SRCAP: variants seen among roughly 807,000 people sequenced by gnomAD.
SRCAP encodes chromatin remodeling protein SRCAP.
SRCAP carries 46 observed loss-of-function variants against 263.1 expected under a neutral mutation model. The ratio of observed to expected loss-of-function variants is 0.17; its 90% confidence interval spans 0.14 to 0.22. The LOEUF is 0.22. SRCAP is among the 10% of genes least tolerant of loss of function. The pLI is 1.00. For synonymous variants in SRCAP, 1,813 were observed against 1,662.1 expected (o/e 1.09, Z -2.21); for missense variants, 3,695 against 4,181.9 (o/e 0.88, Z 3.21).
At chr16:30,706,536 A>G (rs550923957) in intron 4 of SRCAP, among the ~76,000 whole-genome samples, 20 of 152,344 alleles carry the variant, frequency 1.3e-4, no homozygotes, top group African/African-American at 4.8e-4. Context: ...ATAAAAGACA[A>G]TCAGTGTAGA....
At position 30,709,904 on chromosome 16, in the gene SRCAP, G is replaced by A. The variant is rs1204889500; in HGVS notation, c.910G>A (p.Glu304Lys). Residue 304 changes from glutamate (E) to lysine (K), a missense_variant, in exon 8 of 34, where the codon GAA (glutamate) becomes AAA (lysine). Glu to Lys is a moderately conservative substitution (Grantham distance 56, BLOSUM62 1). Coordinates refer to ENST00000262518, the MANE Select transcript of SRCAP (RefSeq NM_006662.3). ...GGAAGAGGATGATGAGGAAACGATT[G>A]AAGTTGAAGAACAACAGGAAGGCAA... ...DEEEDDEETIEVEEQQEGNDA... is the reference protein window; with the variant it reads ...DEEEDDEETIKVEEQQEGNDA... The A allele has an allele frequency of 6.2e-7, 1 of 1,614,070 alleles. No individual in the cohort carries two copies. The highest frequency in any genetic ancestry group is 8.5e-7 in the Non-Finnish European group (1 of 1,180,040).
chr16:30,725,316 C>T (rs1011232089), intron 25 of SRCAP: 9 of 785,766 alleles, frequency 1.1e-5, no homozygotes, highest in Middle Eastern at 4.0e-4. Flanking sequence ...CCACCACGCC[C>T]GGCCTCTTTT....
At chr16:30,717,155 A>G (rs1365433624) in intron 18 of SRCAP, among the ~76,000 whole-genome samples, 1 of 151,948 alleles carries the variant, frequency 6.6e-6, no homozygotes, top group Non-Finnish European at 1.5e-5. Context: ...ATGAGTGTGA[A>G]TTGGTATTTC....
rs142909990 is a variant in SRCAP at position 30,724,862 on chromosome 16, C to T, written c.5438C>T (p.Thr1813Ile). 6.2e-7 allele frequency: 1 copy of T among 1,614,186 alleles called. No individual in the cohort carries two copies. The highest frequency in any genetic ancestry group is 8.5e-7 in the Non-Finnish European group (1 of 1,180,002). Residue 1813 changes from threonine to isoleucine, a missense_variant, in exon 25 of 34, where the codon ACA (threonine) becomes ATA (isoleucine). Transcript: ENST00000262518. The part of the protein sequence containing the change: ...AQTLALAPAS[T>I]QSPASQASSL... Reference sequence around the variant, plus strand: ...ACCTTGGCGCTGGCCCCAGCCTCCACACAGTCCCCAGCTTCCCAGGCATCT... The same window carrying T: ...ACCTTGGCGCTGGCCCCAGCCTCCATACAGTCCCCAGCTTCCCAGGCATCT...
rs1235656303 is a variant in SRCAP at position 30,729,047 on chromosome 16, C to G, written c.5740C>G (p.Leu1914Val). ...CCAACTTAGTGAGGCTCATGGGGCCCTGGCACCTGTGTATGGGACTGAAGT... is the reference window on the plus strand; with the variant it reads ...CCAACTTAGTGAGGCTCATGGGGCCGTGGCACCTGTGTATGGGACTGAAGT... ...IFQLSEAHGA[L>V]APVYGTEVLD... Residue 1914 changes from leucine (L) to valine (V), a missense_variant, in exon 26 of 34, where the codon CTG (leucine) becomes GTG (valine). Around this residue, in one of 12 missense-constraint regions of SRCAP, gnomAD observed 1,347 missense variants for 1,304.4 expected, o/e 1.03. Transcript: ENST00000262518. 1 of 1,614,190 alleles carries G rather than the reference C, an allele frequency of 6.2e-7. No individual in the cohort carries two copies.
Position 30,722,544 on chromosome 16 carries a change from C to T in SRCAP, c.3707-19C>T, listed in dbSNP as rs748876304. 5 of 1,612,656 alleles carry T rather than the reference C, an allele frequency of 3.1e-6. No individual in the cohort carries two copies. The highest frequency in any genetic ancestry group is 1.1e-5 in the South Asian group (1 of 90,990). ...CTGATAGCTGCTTCTCTCTCTCTTT[C>T]TCTCTTCCCTTAACCCAGGGAATGT... On this transcript the variant is annotated intron_variant, in intron 22 of 33. Coordinates refer to ENST00000262518, the MANE Select transcript of SRCAP (RefSeq NM_006662.3).
chr16:30,718,302 G>A (rs143520371), intron 18 of SRCAP, among the ~76,000 whole-genome samples: 2,262 of 152,074 alleles, frequency 0.015, 61 homozygotes, highest in African/African-American at 0.051. Context: ...TCAGCCTCCC[G>A]AGTAGCTGGG....
rs559329856 is a variant in SRCAP at position 30,710,994 on chromosome 16, C to T, written c.1229-5C>T. The T allele has an allele frequency of 5.0e-6, 8 of 1,613,532 alleles. No homozygotes were observed. In the South Asian group the frequency reaches 8.8e-5, roughly 18 times the overall value. On this transcript the variant is annotated splice_region_variant and splice_polypyrimidine_tract_variant and intron_variant, in intron 9 of 33. Transcript: ENST00000262518. ...CTATTAATCTTGCTTCTGTCTCTTT[C>T]CTAGCGGAGGATGAAGAGGATACTA...
At chr16:30,721,154 G>A (rs200826620) in intron 20 of SRCAP, 35 bp from the exon 21 acceptor site, 110 of 1,573,522 alleles carry the variant, frequency 7.0e-5, no homozygotes, top group Middle Eastern at 5.2e-4. Flanking sequence ...CTTTAGTCAG[G>A]GTATATCTGA....
Position 30,738,242 on chromosome 16 carries a change from G to C in SRCAP, c.8202G>C (p.Gly2734=). 1.2e-6 allele frequency: 2 copies of C among 1,613,832 alleles called. No homozygotes were observed. Among genetic ancestry groups the C allele is most frequent in the Non-Finnish European group, 1.7e-6 (2 of 1,179,822 alleles). Residue 2734 remains glycine, a synonymous_variant, in exon 34 of 34, where the codon GGG becomes GGC. Coordinates refer to ENST00000262518, the MANE Select transcript of SRCAP (RefSeq NM_006662.3). ...TSADVEIRGQ[G]TGRPGQPPGP... ...CTGATGTGGAAATTAGGGGTCAAGG[G>C]ACTGGTCGGCCAGGACAACCACCAG...
chr16:30,733,518 T>G lies in SRCAP; in HGVS notation c.6297+69T>G. 1.2e-6 allele frequency: 2 copies of G among 1,606,254 alleles called. No homozygotes were observed. The highest frequency in any genetic ancestry group is 8.5e-7 in the Non-Finnish European group (1 of 1,174,946). On this transcript the variant is annotated intron_variant, in intron 28 of 33. Coordinates refer to ENST00000262518, the MANE Select transcript of SRCAP (RefSeq NM_006662.3). This position sits in a 1 kb window ranked among gnomAD's most constrained non-coding sequence, Gnocchi z 5.3. ...TCTCTCCTTTTCCCAGGATTTGGGC[T>G]TCCAGACGGGGTGCCACTAAGCCTT... is the stretch of plus-strand genomic sequence containing the variant.
At chr16:30,720,594 C>A in intron 19 of SRCAP, 119 bp from the exon 20 acceptor site, 1 of 1,255,186 alleles carries the variant, frequency 8.0e-7, no homozygotes, top group Non-Finnish European at 1.1e-6. Flanking sequence ...TCCTTTGGGT[C>A]TCTTTCCTTT....
intron 3 of SRCAP, among the ~76,000 whole-genome samples, 176 bp from the exon 4 acceptor site, chr16:30,703,888 C>T (rs980870921): frequency 1.5e-5 from 2 of 137,148 alleles, no homozygotes; most frequent in Non-Finnish European, 3.0e-5. Context: ...CAGAGCGAGA[C>T]TCCATCTCAA....
chr16:30,716,224 G>C (rs200351067), intron 17 of SRCAP, 22 bp downstream of exon 17: 2 of 1,613,764 alleles, frequency 1.2e-6, no homozygotes, highest in African/African-American at 2.7e-5. Flanking sequence ...AGGAGGGTGG[G>C]CCCTGGGACT....
Position 30,733,347 on chromosome 16 carries a change from C to T in SRCAP, c.6195C>T (p.Phe2065=), listed in dbSNP as rs752777297. The change falls in exon 28 of 34, where the codon TTC becomes TTT. Residue 2065 remains phenylalanine, a synonymous_variant. Transcript: ENST00000262518. This position sits in a 1 kb window ranked among gnomAD's most constrained non-coding sequence, Gnocchi z 5.3. ...CAGAGGGCCACCGAGTGCTCATCTT[C>T]ACCCAGATGACCCGAATGCTGGATG... ...LKAEGHRVLI[F]TQMTRMLDVL... 1.2e-6 allele frequency: 2 copies of T among 1,614,196 alleles called. No homozygotes were observed. Among genetic ancestry groups the T allele is most frequent in the South Asian group, 2.2e-5 (2 of 91,084 alleles).
Position 30,721,297 on chromosome 16 carries a change from C to T in SRCAP, c.3362C>T (p.Pro1121Leu). 2 of 1,614,204 alleles carry T rather than the reference C, an allele frequency of 1.2e-6. No individual in the cohort carries two copies. The highest frequency in any genetic ancestry group is 1.7e-6 in the Non-Finnish European group (2 of 1,180,046). Residue 1121 changes from proline to leucine, a missense_variant, in exon 21 of 34, where the codon CCT (proline) becomes CTT (leucine). By Grantham distance (98) the Pro-to-Leu change is moderately conservative. Around this residue, in one of 12 missense-constraint regions of SRCAP, gnomAD observed 1,347 missense variants for 1,304.4 expected, o/e 1.03. Coordinates refer to ENST00000262518, the MANE Select transcript of SRCAP (RefSeq NM_006662.3). ...CCAGTTCGCCTGAGCCCAGCCCCAC[C>T]TCCAGGCTCCTCTAGCCTGTTGAAG... ...PAPVRLSPAPPPGSSSLLKPL... is the reference protein window; with the variant it reads ...PAPVRLSPAPLPGSSSLLKPL...
At chr16:30,725,248 G>A (rs1377459631) in intron 25 of SRCAP, 166 bp downstream of exon 25, 89 of 1,354,348 alleles carry the variant, frequency 6.6e-5, no homozygotes, top group East Asian at 7.9e-5. Flanking sequence ...TTCCCTGGGC[G>A]TGTACCTCAT....
intron 25 of SRCAP, among the ~76,000 whole-genome samples, chr16:30,728,618 A>C (rs951313736): frequency 6.6e-6 from 1 of 152,178 alleles, no homozygotes; most frequent in Admixed American, 6.5e-5. Context: ...GTAGGAAAAT[A>C]CCCACAAATC....
In SRCAP at chr16:30,723,956, C is replaced by T; in HGVS notation, c.4532C>T (p.Thr1511Ile). 6.2e-7 allele frequency: 1 copy of T among 1,614,190 alleles called. No individual in the cohort carries two copies. The highest frequency in any genetic ancestry group is 8.5e-7 in the Non-Finnish European group (1 of 1,180,042). The change falls in exon 25 of 34, where the codon ACA becomes ATA. Residue 1511 changes from threonine (T) to isoleucine (I), a missense_variant. By Grantham distance (89) the Thr-to-Ile change is moderately conservative. This residue lies in a region of SRCAP where 1,347 missense variants were observed against 1,304.4 expected (regional missense o/e 1.03). Transcript: ENST00000262518. ...TCAGCCTTGACTCTAGGTTTGGCCA[C>T]AGCTCCATCCCTGTCTTCATCTCAG... ...SASALTLGLA[T>I]APSLSSSQTP...
Sources: gnomAD v4.1 joint callset for allele counts (sites outside exome capture counted in the v4.1 genomes callset) on GRCh38, gnomAD v4.1.1 for gene constraint, gnomAD v4.1.1 regional missense constraint, Gnocchi (gnomAD v3.1) non-coding constraint, MANE v1.5 for transcripts, NCBI Gene and HGNC (gene_info 2026-07-23, HGNC 2026-07-21) for gene names.